Variants in UBE2W observed in about 807,000 individuals in gnomAD.
UBE2W encodes ubiquitin conjugating enzyme E2 W.
Under a neutral mutation model 27.2 loss-of-function variants are expected in UBE2W, and 18 were observed. The ratio of observed to expected loss-of-function variants is 0.66; its 90% CI spans 0.46 to 0.98. The LOEUF (loss-of-function observed/expected upper bound fraction) is 0.98, where lower values mean the gene tolerates loss of function less well. Among genes scored for constraint, UBE2W ranks in the 50% least tolerant of loss-of-function variants. The pLI, the probability that UBE2W is intolerant of heterozygous loss-of-function variation, is 0.00. For synonymous variants in UBE2W, 53 were observed against 57.2 expected, an observed-to-expected ratio of 0.93 and a Z score of 0.33; for missense variants, 90 against 180.2, an observed-to-expected ratio of 0.50 and a Z score of 2.87.
chr8:73,877,644 T>A (rs1812288133), intron 1 of UBE2W, among the ~76,000 whole-genome samples: 1 of 152,150 alleles, frequency 6.6e-6, no homozygotes, highest in Non-Finnish European at 1.5e-5. Flanking sequence ...AAAACACTTC[T>A]AAGAAAATGT....
chr8:73,851,531 A>G (rs2130950166), intron 1 of UBE2W, among the ~76,000 whole-genome samples: 1 of 152,206 alleles, frequency 6.6e-6, no homozygotes, highest in Middle Eastern at 3.4e-3. Flanking sequence ...TGGGACAGTG[A>G]TTTTTCTTTC....
intron 1 of UBE2W, among the ~76,000 whole-genome samples, chr8:73,835,307 CTTTCAAGATAA>C (rs1810260623): frequency 6.6e-6 from 1 of 152,098 alleles, no homozygotes; most frequent in African/African-American, 2.4e-5. Flanking sequence ...TGATAGCCAA[CTTTCAAGATAA>C]TTCCCAACAA....
intron 5 of UBE2W, among the ~76,000 whole-genome samples, chr8:73,802,936 T>C (rs1808709412): frequency 6.6e-6 from 1 of 152,088 alleles, no homozygotes; most frequent in Admixed American, 6.6e-5. Context: ...GGCAGGAGAA[T>C]GGTGTGAACC....
intron 5 of UBE2W, among the ~76,000 whole-genome samples, chr8:73,796,171 A>C (rs1808410833): frequency 6.6e-6 from 1 of 152,030 alleles, no homozygotes; most frequent in Non-Finnish European, 1.5e-5. Context: ...TAGGAATATT[A>C]ATAAGTTCCT....
At chr8:73,877,643 C>A (rs1422587707) in intron 1 of UBE2W, among the ~76,000 whole-genome samples, 1 of 152,128 alleles carries the variant, frequency 6.6e-6, no homozygotes, top group Non-Finnish European at 1.5e-5. Context: ...AAAAACACTT[C>A]TAAGAAAATG....
At chr8:73,876,951 G>C (rs1265269578) in intron 1 of UBE2W, among the ~76,000 whole-genome samples, 3 of 152,080 alleles carry the variant, frequency 2.0e-5, no homozygotes, top group African/African-American at 7.2e-5. Context: ...TGGGCAACAA[G>C]AGCGAAACTC....
intron 4 of UBE2W, among the ~76,000 whole-genome samples, chr8:73,808,391 C>T (rs532618934): frequency 2.6e-5 from 4 of 152,198 alleles, no homozygotes; most frequent in Non-Finnish European, 4.4e-5. Flanking sequence ...TGCGCCACCA[C>T]GCCCAGCTAA....
chr8:73,808,650 C>A (rs1027984496), intron 4 of UBE2W, among the ~76,000 whole-genome samples: 10 of 152,196 alleles, frequency 6.6e-5, no homozygotes, highest in Non-Finnish European at 1.5e-4. Flanking sequence ...GTAAAAGTAG[C>A]ACATACTAGG....
At chr8:73,816,272 C>T (rs1184867748) in intron 3 of UBE2W, among the ~76,000 whole-genome samples, 1 of 152,170 alleles carries the variant, frequency 6.6e-6, no homozygotes, top group African/African-American at 2.4e-5. Context: ...ATCTTCCTTC[C>T]CCTTGACCCC....
intron 2 of UBE2W, among the ~76,000 whole-genome samples, chr8:73,826,300 C>T (rs1297686349): frequency 2.6e-5 from 4 of 152,082 alleles, no homozygotes; most frequent in Non-Finnish European, 5.9e-5. Context: ...ATAATGACAG[C>T]AAAGATAACA....
At chr8:73,875,940 C>A (rs1410905764) in intron 1 of UBE2W, among the ~76,000 whole-genome samples, 1 of 152,028 alleles carries the variant, frequency 6.6e-6, no homozygotes, top group Non-Finnish European at 1.5e-5. Flanking sequence ...GTAATCCCAG[C>A]TACTCAGGAG....
chr8:73,845,859 C>T (rs946876223), intron 1 of UBE2W, among the ~76,000 whole-genome samples: 1 of 151,652 alleles, frequency 6.6e-6, no homozygotes, highest in African/African-American at 2.4e-5. Flanking sequence ...TAAGTAAAAC[C>T]ACCAATTTAA....
intron 4 of UBE2W, among the ~76,000 whole-genome samples, chr8:73,808,485 G>A (rs974748347): frequency 2.0e-5 from 3 of 152,086 alleles, no homozygotes; most frequent in African/African-American, 2.4e-5. Flanking sequence ...CACCCTTCTC[G>A]GCCTCCCAAA....
chr8:73,796,299 C>G (rs762590208), intron 5 of UBE2W, among the ~76,000 whole-genome samples: 1 of 152,000 alleles, frequency 6.6e-6, no homozygotes, highest in African/African-American at 2.4e-5. Context: ...CCTAATATGT[C>G]AAACTACTGG....
intron 1 of UBE2W, among the ~76,000 whole-genome samples, chr8:73,852,778 G>A (rs990787282): frequency 2.6e-5 from 4 of 152,088 alleles, no homozygotes; most frequent in African/African-American, 2.4e-5. Flanking sequence ...GACTGATAAC[G>A]CCACCTTCAA....
intron 1 of UBE2W, among the ~76,000 whole-genome samples, chr8:73,874,420 ACT>A (rs1331129256): frequency 1.3e-5 from 2 of 152,294 alleles, no homozygotes; most frequent in South Asian, 2.1e-4. Flanking sequence ...CGACAGCGAG[ACT>A]CTGTCTCAAA....
chr8:73,859,376 C>T lies in UBE2W; in HGVS notation c.15+19432G>A, dbSNP rs184620421. 4.0e-4 allele frequency among the ~76,000 whole-genome samples: 61 copies of T among 152,230 alleles called. No individual in the cohort carries two copies. In the East Asian group the frequency reaches 7.3e-3, roughly 18 times the overall value. On this transcript the variant is annotated intron_variant, in intron 1 of 5. Coordinates refer to ENST00000602593, the MANE Select transcript of UBE2W (RefSeq NM_018299.6). ...CAAAAATTAGCTGGGCATGGTGGCGCGAGCCTGTAATCCCAGCTACTGGGG... is the reference window on the plus strand; with the variant it reads ...CAAAAATTAGCTGGGCATGGTGGCGTGAGCCTGTAATCCCAGCTACTGGGG...
rs374585748 is a variant in UBE2W, at chr8:73,833,333, TAAGA to T, written c.16-2865_16-2862del. 1.7e-4 allele frequency among the ~76,000 whole-genome samples: 26 copies of T among 150,364 alleles called. No homozygotes were observed. The South Asian group carries it at 5.4e-3, about 31-fold the overall frequency. On this transcript the variant is annotated intron_variant, in intron 1 of 5. Transcript: ENST00000602593. ...TTTATGCCTTGTGACGAGAATGAAA[TAAGA>T]AAAAAGAAAAGAAAATATTAATAAA...
chr8:73,788,268 AAAG>A lies in UBE2W; in HGVS notation c.*5831_*5833del, dbSNP rs1808046343. ...GTTTTAACATTTATATTCTATTTAAAAAGTAGTGACTTTACATATTTTGCAACT... is the reference window on the plus strand; with the variant it reads ...GTTTTAACATTTATATTCTATTTAAATAGTGACTTTACATATTTTGCAACT... On this transcript the variant is annotated 3_prime_UTR_variant, in exon 6 of 6. Coordinates refer to ENST00000602593, the MANE Select transcript of UBE2W (RefSeq NM_018299.6). 1 of 965,982 alleles carries A rather than the reference AAAG, an allele frequency of 1.0e-6. No homozygotes were observed. The highest frequency in any genetic ancestry group is 1.8e-5 in the African/African-American group (1 of 56,846). 59.8% of individuals were successfully genotyped at this position (965,982 alleles called of 1,614,324 possible).
Sources: allele counts gnomAD v4.1 joint callset (sites outside exome capture counted in the v4.1 genomes callset), GRCh38; gene constraint gnomAD v4.1.1; transcripts MANE v1.5; gene names NCBI Gene and HGNC (gene_info 2026-07-23, HGNC 2026-07-21).